The following GALNTL6 variants were observed in gnomAD, a reference collection of about 807,000 sequenced individuals.
GALNTL6 encodes polypeptide N-acetylgalactosaminyltransferase like 6.
A neutral mutation model predicts 73.7 loss-of-function variants in GALNTL6; 46 were observed. The ratio of observed to expected loss-of-function variants is 0.62; its 90% CI spans 0.49 to 0.80. The LOEUF is 0.80. Ranked by LOEUF, GALNTL6 falls within the 30% of genes least tolerant of loss-of-function variation. The pLI is 0.00. For missense variants in GALNTL6, 604 were observed against 755.0 expected (o/e 0.80, Z 2.34); for synonymous variants, 259 against 263.7 (o/e 0.98, Z 0.17).
At chr4:172,559,813 C>T (rs1736287204) in intron 5 of GALNTL6, among the ~76,000 whole-genome samples, 1 of 152,154 alleles carries the variant, frequency 6.6e-6, no homozygotes, top group African/African-American at 2.4e-5. Flanking sequence ...TTTTAATAAA[C>T]ATATTATCAT....
intron 3 of GALNTL6, among the ~76,000 whole-genome samples, chr4:172,233,127 G>C (rs902993451): frequency 6.6e-6 from 1 of 151,450 alleles, no homozygotes; most frequent in African/African-American, 2.4e-5. Context: ...CCAGCACACC[G>C]GGTGGCAGCA....
At chr4:172,481,048 A>G (rs567783110) in intron 5 of GALNTL6, among the ~76,000 whole-genome samples, 106 of 152,296 alleles carry the variant, frequency 7.0e-4, no homozygotes, top group African/African-American at 2.4e-3. Flanking sequence ...GAAGCCGTGG[A>G]CTATCGCGGT....
At chr4:172,306,972 G>A (rs933289011) in intron 3 of GALNTL6, among the ~76,000 whole-genome samples, 4 of 152,110 alleles carry the variant, frequency 2.6e-5, no homozygotes, top group Non-Finnish European at 5.9e-5. Flanking sequence ...CTTCTGAGTG[G>A]ATACCCAGTA....
At chr4:172,909,807 G>A (rs1209007889) in intron 8 of GALNTL6, among the ~76,000 whole-genome samples, 1 of 152,030 alleles carries the variant, frequency 6.6e-6, no homozygotes, top group Non-Finnish European at 1.5e-5. Context: ...ACTCACACCT[G>A]TGTGAAATGA....
intron 2 of GALNTL6, among the ~76,000 whole-genome samples, chr4:171,888,486 G>T (rs528845247): frequency 6.6e-6 from 1 of 151,916 alleles, no homozygotes; most frequent in African/African-American, 2.4e-5. Context: ...GGAAGAGAAG[G>T]ACTCCTCAGT....
intron 2 of GALNTL6, among the ~76,000 whole-genome samples, chr4:171,908,681 A>G (rs1737377035): frequency 6.6e-6 from 1 of 150,922 alleles, no homozygotes; most frequent in Admixed American, 6.6e-5. Flanking sequence ...GCTGCTATAA[A>G]GACACATGAA....
At chr4:171,928,165 T>C (rs1037991274) in intron 2 of GALNTL6, among the ~76,000 whole-genome samples, 22 of 152,352 alleles carry the variant, frequency 1.4e-4, no homozygotes, top group Middle Eastern at 3.4e-3. Context: ...ATGGGTGATA[T>C]CTATAAAATA....
At chr4:171,849,700 T>G (rs917472139) in intron 2 of GALNTL6, among the ~76,000 whole-genome samples, 1 of 152,136 alleles carries the variant, frequency 6.6e-6, no homozygotes, top group Non-Finnish European at 1.5e-5. Context: ...TTACAAGATA[T>G]AGGAATTTGG....
At chr4:172,285,887 A>T (rs1453831379) in intron 3 of GALNTL6, among the ~76,000 whole-genome samples, 2 of 152,326 alleles carry the variant, frequency 1.3e-5, no homozygotes, top group East Asian at 3.9e-4. Context: ...ATTGCCTTTA[A>T]CATTTGTCAA....
chr4:172,395,405 T>C (rs1158720362), intron 5 of GALNTL6, among the ~76,000 whole-genome samples: 1 of 152,212 alleles, frequency 6.6e-6, no homozygotes, highest in Non-Finnish European at 1.5e-5. Flanking sequence ...TATGTTTTCA[T>C]TTTTTATTTT....
chr4:172,690,103 G>A (rs796185322), intron 5 of GALNTL6, among the ~76,000 whole-genome samples: 12 of 152,042 alleles, frequency 7.9e-5, no homozygotes, highest in African/African-American at 2.9e-4. Flanking sequence ...GGAAAGTTTA[G>A]AAAAATTGTA....
At chr4:172,240,533 T>C (rs1304201173) in intron 3 of GALNTL6, among the ~76,000 whole-genome samples, 4 of 152,086 alleles carry the variant, frequency 2.6e-5, no homozygotes, top group Non-Finnish European at 4.4e-5. Context: ...GCCCAGGCTT[T>C]GTTTGTTATT....
intron 2 of GALNTL6, among the ~76,000 whole-genome samples, chr4:171,916,853 T>C (rs976516920): frequency 6.6e-6 from 1 of 152,096 alleles, no homozygotes; most frequent in Non-Finnish European, 1.5e-5. Flanking sequence ...TCTCTCTATA[T>C]CTTGACCCTT....
chr4:172,965,647 A>G (rs576422408), intron 10 of GALNTL6, among the ~76,000 whole-genome samples: 2 of 152,070 alleles, frequency 1.3e-5, no homozygotes, highest in East Asian at 3.9e-4. Flanking sequence ...TTAATTCCAC[A>G]TTCCCAGACG....
intron 5 of GALNTL6, among the ~76,000 whole-genome samples, chr4:172,594,774 G>A (rs1473344355): frequency 3.9e-5 from 6 of 152,026 alleles, no homozygotes; most frequent in Admixed American, 3.9e-4. Flanking sequence ...ATTTAGTACT[G>A]TCCGATTTTT....
chr4:172,336,469 G>A (rs1368573450), intron 4 of GALNTL6, among the ~76,000 whole-genome samples: 3 of 149,306 alleles, frequency 2.0e-5, no homozygotes, highest in Admixed American at 6.7e-5. Context: ...TAGAGACCGG[G>A]TTTCACCATG....
At chr4:172,318,030 A>C (rs1429180643) in intron 4 of GALNTL6, among the ~76,000 whole-genome samples, 1 of 152,220 alleles carries the variant, frequency 6.6e-6, no homozygotes, top group Non-Finnish European at 1.5e-5. Flanking sequence ...TTACTTAAAA[A>C]ATAAAGCAAT....
In GALNTL6 at chr4:172,602,381, G is replaced by A. The variant is rs184954422; in HGVS notation, c.554-206980G>A. Among the ~76,000 whole-genome samples the A allele has an allele frequency of 4.0e-3, 604 of 152,136 alleles. 3 individuals are homozygous for A. Among genetic ancestry groups the A allele is most frequent in the Non-Finnish European group, 6.6e-3 (449 of 67,974 alleles). On this transcript the variant is annotated intron_variant, in intron 5 of 12. Transcript: ENST00000506823. Reference sequence around the variant, plus strand: ...AACAAAAATATTAGTACATATTATGGGGTTTATTGCATAATATGTATAACA... The same window carrying A: ...AACAAAAATATTAGTACATATTATGAGGTTTATTGCATAATATGTATAACA...
intron 2 of GALNTL6, among the ~76,000 whole-genome samples, chr4:172,016,062 G>A (rs1431355560): frequency 1.4e-5 from 2 of 145,480 alleles, no homozygotes; most frequent in African/African-American, 2.5e-5. Flanking sequence ...TTTTTGCCAT[G>A]ACTTTCCCAG....
Sources: gnomAD v4.1 joint callset for allele counts (sites outside exome capture counted in the v4.1 genomes callset) on GRCh38, gnomAD v4.1.1 for gene constraint, MANE v1.5 for transcripts, NCBI Gene and HGNC (gene_info 2026-07-23, HGNC 2026-07-21) for gene names.